VPS35L: variants seen among roughly 807,000 people sequenced by gnomAD.
VPS35L encodes VPS35 endosomal protein-sorting factor-like.
In VPS35L, 83 loss-of-function variants were observed where a neutral mutation model predicts 133.0. The observed-to-expected ratio is 0.62, with a 90% CI of 0.52 to 0.75. The LOEUF (loss-of-function observed/expected upper bound fraction) is 0.75. VPS35L is among the 30% of genes least tolerant of loss of function. The pLI, the probability that VPS35L is intolerant of heterozygous loss-of-function variation, is 0.00. For missense variants in VPS35L, 1,083 were observed against 1,206.8 expected (o/e 0.90, Z 1.52); for synonymous variants, 423 against 449.9 (o/e 0.94, Z 0.76).
intron 3 of VPS35L, 88 bp downstream of exon 3, chr16:19,569,679 T>A (rs1385921967): frequency 8.4e-6 from 11 of 1,316,926 alleles, no homozygotes; most frequent in Non-Finnish European, 1.1e-5. Context: ...CCCTTTTTTT[T>A]CCCCTGAGAG....
At chr16:19,581,006 G>GTTT (rs745817997) in intron 6 of VPS35L, among the ~76,000 whole-genome samples, 1 of 152,056 alleles carries the variant, frequency 6.6e-6, no homozygotes, top group Non-Finnish European at 1.5e-5. Context: ...ATAGAATTGT[G>GTTT]TTTTCTCCTG....
At chr16:19,691,168 G>C (rs1440093909) in intron 28 of VPS35L, among the ~76,000 whole-genome samples, 185 bp from the exon 29 acceptor site, 2 of 152,168 alleles carry the variant, frequency 1.3e-5, no homozygotes, top group Non-Finnish European at 2.9e-5. Flanking sequence ...TGTCCTGCAG[G>C]CTGGGTGTTT....
chr16:19,682,184 C>T, intron 27 of VPS35L, 41 bp from the exon 28 acceptor site: 2 of 1,596,458 alleles, frequency 1.3e-6, no homozygotes, highest in Non-Finnish European at 1.7e-6. Flanking sequence ...CTCCCTGCTT[C>T]ATCTTTGGGA....
intron 29 of VPS35L, among the ~76,000 whole-genome samples, chr16:19,691,979 AT>A (rs1252791814): frequency 6.6e-6 from 1 of 151,350 alleles, no homozygotes; most frequent in East Asian, 1.9e-4. Flanking sequence ...GGTTCAGGCG[AT>A]TCTCCTGCCT....
intron 27 of VPS35L, among the ~76,000 whole-genome samples, chr16:19,680,473 A>G (rs561344778): frequency 6.6e-6 from 1 of 152,292 alleles, no homozygotes; most frequent in African/African-American, 2.4e-5. Flanking sequence ...GTGTATTGGC[A>G]AATGCAATAG....
At chr16:19,629,854 T>C in intron 18 of VPS35L, 34 bp downstream of exon 18, 1 of 1,598,066 alleles carries the variant, frequency 6.3e-7, no homozygotes. Context: ...TTTGAAAGAA[T>C]TAGATTTTTT....
chr16:19,621,645 G>A (rs1464427924), intron 14 of VPS35L, among the ~76,000 whole-genome samples: 4 of 152,200 alleles, frequency 2.6e-5, no homozygotes, highest in South Asian at 4.1e-4. Context: ...GTTGTTCATC[G>A]TGTTCTTGCC....
chr16:19,567,080 T>C (rs1362516763), intron 2 of VPS35L, among the ~76,000 whole-genome samples: 3 of 152,186 alleles, frequency 2.0e-5, no homozygotes, highest in African/African-American at 7.2e-5. Context: ...TGGCCAAAAC[T>C]TGGTGATTGG....
rs1972666863 is a variant in VPS35L, at chr16:19,610,215, T to TC, written c.930-107_930-106insC. On this transcript the variant is annotated intron_variant, in intron 11 of 30. Transcript: ENST00000417362. ...TTGGTTTGTTACTGAAACTTGATTT[T>TC]TCCCCCCCTCCCTGAAATTTAGGAA... 4.3e-6 allele frequency: 4 copies of TC among 940,786 alleles called. No homozygotes were observed. In the African/African-American group the frequency reaches 6.6e-5, roughly 16 times the overall value. The allele number at this position is 940,786 out of a possible 1,614,324, so 58.3% of individuals were successfully genotyped here.
Position 19,608,965 on chromosome 16 carries a change from T to A in VPS35L, c.882-9T>A. On this transcript the variant is annotated splice_polypyrimidine_tract_variant and intron_variant, in intron 10 of 30. Coordinates refer to ENST00000417362, the MANE Select transcript of VPS35L (RefSeq NM_020314.7). ...GGAAAACATCTTCCTTAACAGGATG[T>A]TTTTGTAGTTACGTGGAGGCATCCA... The A allele has an allele frequency of 6.2e-7, 1 of 1,613,146 alleles. No individual in the cohort carries two copies.
At position 19,609,125 on chromosome 16, in the gene VPS35L, C is replaced by T. The variant is rs867986263; in HGVS notation, c.929+104C>T. The T allele has an allele frequency of 7.2e-6, 7 of 978,912 alleles. No individual in the cohort carries two copies. The Middle Eastern group carries it at 1.3e-3, about 187-fold the overall frequency. 60.6% of individuals were successfully genotyped at this position (978,912 alleles called of 1,614,324 possible). ...AATAGTAGCCATTATTCACTGAGTA[C>T]TTAATGTGTGTTAAGCACCTTCTGT... On this transcript the variant is annotated intron_variant, in intron 11 of 30. Coordinates refer to ENST00000417362, the MANE Select transcript of VPS35L (RefSeq NM_020314.7).
At chr16:19,585,039 T>C (rs776966889) in intron 7 of VPS35L, among the ~76,000 whole-genome samples, 4 of 152,238 alleles carry the variant, frequency 2.6e-5, no homozygotes, top group African/African-American at 2.4e-5. Flanking sequence ...TAGCATAATA[T>C]GTTTGAGGTT....
At chr16:19,659,077 CG>C (rs1019069422) in intron 26 of VPS35L, among the ~76,000 whole-genome samples, 1 of 152,060 alleles carries the variant, frequency 6.6e-6, no homozygotes, top group African/African-American at 2.4e-5. Context: ...CCCAAGTGCA[CG>C]TGGTTGCTGG....
At chr16:19,690,408 G>C (rs1380747669) in intron 28 of VPS35L, among the ~76,000 whole-genome samples, 1 of 152,204 alleles carries the variant, frequency 6.6e-6, no homozygotes, top group Non-Finnish European at 1.5e-5. Flanking sequence ...GGCAGTGGTT[G>C]TCACAGGACG....
At chr16:19,591,358 A>G (rs1972036861) in intron 7 of VPS35L, among the ~76,000 whole-genome samples, 1 of 152,220 alleles carries the variant, frequency 6.6e-6, no homozygotes, top group Admixed American at 6.5e-5. Context: ...TTCCTGGTTC[A>G]GTATACAAGC....
intron 3 of VPS35L, among the ~76,000 whole-genome samples, chr16:19,570,924 C>A (rs1000087345): frequency 7.1e-6 from 1 of 141,154 alleles, no homozygotes; most frequent in Non-Finnish European, 1.5e-5. Flanking sequence ...TCACCCGGGC[C>A]GGTGTGAAGT....
intron 12 of VPS35L, among the ~76,000 whole-genome samples, chr16:19,613,377 A>AC (rs772318724): frequency 1.6e-4 from 25 of 152,194 alleles, no homozygotes; most frequent in Non-Finnish European, 2.9e-5. Flanking sequence ...CCCAGTTCAT[A>AC]CTACTTTAAG....
At chr16:19,588,108 A>G (rs1404847823) in intron 7 of VPS35L, among the ~76,000 whole-genome samples, 1 of 149,922 alleles carries the variant, frequency 6.7e-6, no homozygotes, top group Non-Finnish European at 1.5e-5. Context: ...CCAGTTCCAC[A>G]TTGTTTTGAT....
At chr16:19,602,674 C>T (rs866356332) in intron 9 of VPS35L, among the ~76,000 whole-genome samples, 2 of 152,138 alleles carry the variant, frequency 1.3e-5, no homozygotes, top group East Asian at 3.9e-4. Context: ...ACAATCTTGG[C>T]TCGCTGCAGC....
Sources: allele counts gnomAD v4.1 joint callset (sites outside exome capture counted in the v4.1 genomes callset), GRCh38; gene constraint gnomAD v4.1.1; transcripts MANE v1.5; gene names NCBI Gene and HGNC (gene_info 2026-07-23, HGNC 2026-07-21).